CFAP44: variants seen among roughly 807,000 people sequenced by gnomAD.
CFAP44 encodes cilia- and flagella-associated protein 44.
CFAP44 carries 134 observed loss-of-function variants against 216.2 expected under a neutral mutation model. The ratio of observed to expected loss-of-function variants is 0.62; its 90% CI spans 0.54 to 0.72. The LOEUF (loss-of-function observed/expected upper bound fraction) is 0.72, where lower values mean the gene tolerates loss of function less well. Ranked by LOEUF, CFAP44 falls within the 30% of genes least tolerant of loss-of-function variation. The pLI, the probability that CFAP44 is intolerant of heterozygous loss-of-function variation, is 0.00. For missense variants in CFAP44, 2,035 were observed against 2,182.1 expected (o/e 0.93, Z 1.34); for synonymous variants, 700 against 727.6 (o/e 0.96, Z 0.61).
intron 1 of CFAP44, among the ~76,000 whole-genome samples, chr3:113,436,664 T>C (rs796206817): frequency 3.9e-5 from 6 of 152,326 alleles, no homozygotes; most frequent in African/African-American, 1.4e-4. Flanking sequence ...TGGAAAGTAC[T>C]CCCTAAGTTT....
At chr3:113,312,200 T>C (rs1163821059) in intron 28 of CFAP44, among the ~76,000 whole-genome samples, 2 of 150,706 alleles carry the variant, frequency 1.3e-5, no homozygotes, top group African/African-American at 4.9e-5. Context: ...GCCTCCCAAG[T>C]AGCTGGGACT....
rs1935363938 is a variant in CFAP44 at position 113,441,493 on chromosome 3, T to G, written c.-46A>C. 5.1e-6 allele frequency: 5 copies of G among 985,330 alleles called. No homozygotes were observed. The highest frequency in any genetic ancestry group is 6.0e-6 in the Non-Finnish European group (5 of 829,974). 61.0% of individuals were successfully genotyped at this position (985,330 alleles called of 1,614,324 possible). A position where few individuals can be genotyped will look rare whatever the true frequency, so the allele number is the denominator to read the frequency against. ...CCGCGGCTCCTCTCTTCACAGCGTC[T>G]GCCGGAGGCCTCCGTTTACTCCGGT... On this transcript the variant is annotated 5_prime_UTR_variant, in exon 1 of 35. Coordinates refer to ENST00000393845, the MANE Select transcript of CFAP44 (RefSeq NM_001164496.2).
At chr3:113,396,792 A>C (rs1021239721) in intron 13 of CFAP44, 65 bp from the exon 14 acceptor site, 117 of 1,466,374 alleles carry the variant, frequency 8.0e-5, no homozygotes, top group Non-Finnish European at 1.0e-4. Context: ...ACTATATAAC[A>C]GATATTTTAT....
intron 28 of CFAP44, among the ~76,000 whole-genome samples, chr3:113,312,939 C>T (rs1316445222): frequency 6.6e-6 from 1 of 152,168 alleles, no homozygotes; most frequent in Non-Finnish European, 1.5e-5. Flanking sequence ...TCATGGAGAA[C>T]CTCTGGGGCA....
chr3:113,367,957 AG>A (rs1933016610), intron 18 of CFAP44, among the ~76,000 whole-genome samples: 1 of 152,236 alleles, frequency 6.6e-6, no homozygotes, highest in Admixed American at 6.5e-5. Context: ...AAGCTTCAAT[AG>A]CTGATTCAAT....
Position 113,303,896 on chromosome 3 carries a change from C to T in CFAP44, c.5077+20G>A. 11 of 1,536,894 alleles carry T rather than the reference C, an allele frequency of 7.2e-6. No homozygotes were observed. The highest frequency in any genetic ancestry group is 8.7e-6 in the Non-Finnish European group (10 of 1,146,556). On this transcript the variant is annotated intron_variant, in intron 32 of 34. Transcript: ENST00000393845. ...TTACCAATAAACCTTACTAGCAAGG[C>T]TGTGGGCTTAGATACTCACTGTGTA...
At chr3:113,367,963 T>C (rs1933016774) in intron 18 of CFAP44, among the ~76,000 whole-genome samples, 1 of 152,162 alleles carries the variant, frequency 6.6e-6, no homozygotes, top group African/African-American at 2.4e-5. Flanking sequence ...CAATAGCTGA[T>C]TCAATCAAGT....
At chr3:113,384,464 G>A (rs1051212089) in intron 15 of CFAP44, among the ~76,000 whole-genome samples, 7 of 152,168 alleles carry the variant, frequency 4.6e-5, no homozygotes, top group Non-Finnish European at 1.0e-4. Flanking sequence ...CAATACTTCA[G>A]AATGTGACTG....
At chr3:113,376,960 T>G (rs1933363286) in intron 17 of CFAP44, among the ~76,000 whole-genome samples, 1 of 152,192 alleles carries the variant, frequency 6.6e-6, no homozygotes, top group African/African-American at 2.4e-5. Flanking sequence ...AAGGAGCCAT[T>G]GGGAACAGTG....
At position 113,327,796 on chromosome 3, in the gene CFAP44, G is replaced by A. The variant is rs776954093; in HGVS notation, c.4140C>T (p.Phe1380=). The A allele has an allele frequency of 9.8e-6, 15 of 1,536,648 alleles. No homozygotes were observed. Among genetic ancestry groups the A allele is most frequent in the African/African-American group, 2.7e-5 (2 of 73,012 alleles). ...GTCTAAGGAGACGGAGTTCTGCATC[G>A]AAAGTGACAACCAGTTCTTTGATCT... ...VNRIKELVVT[F]DAELRLLRHQ... The change falls in exon 27 of 35, where the codon TTC becomes TTT. Residue 1380 remains phenylalanine, a synonymous_variant. Transcript: ENST00000393845.
intron 7 of CFAP44, 124 bp from the exon 8 acceptor site, chr3:113,407,165 T>C (rs1410679457): frequency 2.5e-5 from 19 of 768,586 alleles, no homozygotes; most frequent in Non-Finnish European, 3.7e-5. Context: ...TTCATTTATC[T>C]GATTAAGATT....
intron 17 of CFAP44, among the ~76,000 whole-genome samples, chr3:113,374,392 T>TTTATTATAA (rs1362253713): frequency 6.6e-6 from 1 of 150,740 alleles, no homozygotes; most frequent in Non-Finnish European, 1.5e-5. Context: ...TATTTATTTA[T>TTTATTATAA]TTATTTATTA....
intron 15 of CFAP44, among the ~76,000 whole-genome samples, chr3:113,390,406 T>C (rs1933764019): frequency 6.6e-6 from 1 of 151,924 alleles, no homozygotes; most frequent in African/African-American, 2.4e-5. Flanking sequence ...AATGAAGAAA[T>C]ACAGAAAGCC....
chr3:113,330,470 C>T lies in CFAP44; in HGVS notation c.3814G>A (p.Asp1272Asn), dbSNP rs1950230636. 6.5e-7 allele frequency: 1 copy of T among 1,537,086 alleles called. No individual in the cohort carries two copies. The highest frequency in any genetic ancestry group is 1.4e-5 in the African/African-American group (1 of 73,002). ...TTAAAATTTAGGAGAGTTTCTTCAT[C>T]ATACTGAAATCTCTTTTCTGGAACT... ...EEVPEKRFQYDEETLLNFKQQ... is the reference protein window; with the variant it reads ...EEVPEKRFQYNEETLLNFKQQ... Residue 1272 changes from aspartate (D) to asparagine (N), a missense_variant, in exon 26 of 35, where the codon GAT (aspartate) becomes AAT (asparagine). By Grantham distance (23) the Asp-to-Asn change is conservative (BLOSUM62 1). This residue lies in a region of CFAP44 where 1,883 missense variants were observed against 2,023.7 expected (regional missense o/e 0.93). Coordinates refer to ENST00000393845, the MANE Select transcript of CFAP44 (RefSeq NM_001164496.2).
chr3:113,418,926 G>T (rs978619891), intron 5 of CFAP44, among the ~76,000 whole-genome samples: 1 of 151,906 alleles, frequency 6.6e-6, no homozygotes, highest in Non-Finnish European at 1.5e-5. Flanking sequence ...GGCTGGTCTT[G>T]ATCTCCTGAC....
rs534791101 is a variant in CFAP44, at chr3:113,301,261, C to A, written c.5077+2655G>T. ...GGCTACATATGATGTAATATTTCTA[C>A]AAAGTTCTAAAGCAATATATTATTT... On this transcript the variant is annotated intron_variant, in intron 32 of 34. Transcript: ENST00000393845. Among the ~76,000 whole-genome samples, 3 of 151,826 alleles carry A rather than the reference C, an allele frequency of 2.0e-5. No homozygotes were observed. In the South Asian group the frequency reaches 6.3e-4, roughly 32 times the overall value.
intron 17 of CFAP44, among the ~76,000 whole-genome samples, chr3:113,374,392 TTTATTTA>T (rs1201328231): frequency 2.7e-5 from 4 of 150,740 alleles, no homozygotes; most frequent in East Asian, 2.0e-4. Context: ...TATTTATTTA[TTTATTTA>T]TTATTATACT....
At position 113,293,092 on chromosome 3, in the gene CFAP44, G is replaced by A. The variant is rs183083173; in HGVS notation, c.5374-1344C>T. 3.9e-5 allele frequency among the ~76,000 whole-genome samples: 6 copies of A among 152,244 alleles called. No individual in the cohort carries two copies. In the East Asian group the frequency reaches 9.7e-4, roughly 25 times the overall value. On this transcript the variant is annotated intron_variant, in intron 34 of 34. Transcript: ENST00000393845. ...GAAAAATGACTCCTATTTGTTTAAGGTACTCTCAATAGGGCTTTTGGTTGC... is the reference window on the plus strand; with the variant it reads ...GAAAAATGACTCCTATTTGTTTAAGATACTCTCAATAGGGCTTTTGGTTGC...
chr3:113,405,943 A>T (rs570943945), intron 8 of CFAP44, among the ~76,000 whole-genome samples: 1 of 152,354 alleles, frequency 6.6e-6, no homozygotes, highest in African/African-American at 2.4e-5. Context: ...TGAATTGAGA[A>T]TATTCAGTCA....
Sources: allele counts gnomAD v4.1 joint callset (sites outside exome capture counted in the v4.1 genomes callset), GRCh38; gene constraint gnomAD v4.1.1; regional missense constraint gnomAD v4.1.1; transcripts MANE v1.5; gene names NCBI Gene and HGNC (gene_info 2026-07-23, HGNC 2026-07-21).